The following KCNQ5 variants were observed in gnomAD, a reference collection of about 807,000 sequenced individuals.
KCNQ5 encodes potassium voltage-gated channel subfamily KQT member 5.
KCNQ5 carries 30 observed loss-of-function variants against 98.2 expected under a neutral mutation model. The observed-to-expected ratio is 0.31, with a 90% CI of 0.23 to 0.41. The LOEUF is 0.41. Ranked by LOEUF, KCNQ5 falls within the 10% of genes least tolerant of loss-of-function variation. The pLI is 1.00. For missense variants in KCNQ5, 835 were observed against 1,182.5 expected (o/e 0.71, Z 4.31); for synonymous variants, 458 against 449.4 (o/e 1.02, Z -0.24).
intron 1 of KCNQ5, among the ~76,000 whole-genome samples, chr6:72,791,201 G>A (rs756043589): frequency 1.3e-5 from 2 of 152,194 alleles, no homozygotes; most frequent in Non-Finnish European, 2.9e-5. Flanking sequence ...AAATGCCTGA[G>A]ACAGCAGCTA....
chr6:72,800,054 T>C (rs942440233), intron 1 of KCNQ5, among the ~76,000 whole-genome samples: 1 of 152,200 alleles, frequency 6.6e-6, no homozygotes, highest in Non-Finnish European at 1.5e-5. Flanking sequence ...ATTGTGTACT[T>C]TAAATCTGAC....
At chr6:72,632,738 T>C (rs2098921725) in intron 1 of KCNQ5, among the ~76,000 whole-genome samples, 1 of 152,220 alleles carries the variant, frequency 6.6e-6, no homozygotes, top group African/African-American at 2.4e-5. Context: ...GCTACATCCA[T>C]GTTGCGGCAA....
chr6:72,748,314 C>A (rs1216995828), intron 1 of KCNQ5, among the ~76,000 whole-genome samples: 5 of 152,014 alleles, frequency 3.3e-5, no homozygotes, highest in East Asian at 1.9e-4. Flanking sequence ...TTGTATGTAG[C>A]CTTTCTGTCA....
chr6:72,661,152 G>T (rs923547887), intron 1 of KCNQ5, among the ~76,000 whole-genome samples: 1 of 151,662 alleles, frequency 6.6e-6, no homozygotes, highest in African/African-American at 2.4e-5. Context: ...TAACCCTCTT[G>T]TCGAGAACTG....
chr6:72,640,673 G>C (rs1311700059), intron 1 of KCNQ5: 1 of 152,152 alleles, frequency 6.6e-6, no homozygotes, highest in African/African-American at 2.4e-5. Flanking sequence ...ACACATTTAA[G>C]TAATAGGATT....
chr6:72,798,301 C>A (rs1488191019), intron 1 of KCNQ5, among the ~76,000 whole-genome samples: 1 of 152,142 alleles, frequency 6.6e-6, no homozygotes, highest in Admixed American at 6.6e-5. Flanking sequence ...AGGTATCCTG[C>A]AAAGTTTATG....
intron 1 of KCNQ5, among the ~76,000 whole-genome samples, chr6:72,814,881 A>T (rs940093677): frequency 6.6e-6 from 1 of 152,238 alleles, no homozygotes; most frequent in Non-Finnish European, 1.5e-5. Context: ...AATTTGTCAG[A>T]AGATAATGCT....
intron 5 of KCNQ5, among the ~76,000 whole-genome samples, chr6:73,088,786 C>G (rs1178362361): frequency 6.6e-6 from 1 of 152,180 alleles, no homozygotes; most frequent in Non-Finnish European, 1.5e-5. Flanking sequence ...ATTTATGGTG[C>G]AACCATCTTC....
intron 1 of KCNQ5, among the ~76,000 whole-genome samples, chr6:72,998,506 C>T (rs1026544955): frequency 3.3e-5 from 5 of 152,000 alleles, no homozygotes; most frequent in African/African-American, 1.2e-4. Context: ...GAGGCCGATG[C>T]GGGCGGATTA....
At chr6:73,104,767 T>C (rs999321367) in intron 5 of KCNQ5, among the ~76,000 whole-genome samples, 2 of 152,234 alleles carry the variant, frequency 1.3e-5, no homozygotes, top group African/African-American at 4.8e-5. Context: ...ATTATTCATG[T>C]GTGGCATGTT....
intron 1 of KCNQ5, among the ~76,000 whole-genome samples, chr6:72,821,770 T>C (rs1775762939): frequency 1.3e-5 from 2 of 152,174 alleles, no homozygotes; most frequent in Non-Finnish European, 1.5e-5. Context: ...TCCTCTTCTG[T>C]TGCATTTCTT....
intron 1 of KCNQ5, among the ~76,000 whole-genome samples, chr6:72,965,054 C>G (rs754867177): frequency 2.0e-5 from 3 of 152,078 alleles, no homozygotes; most frequent in Non-Finnish European, 2.9e-5. Flanking sequence ...CTCAAGTGAT[C>G]CTCCCACCTC....
chr6:73,037,731 A>G (rs1218580288), intron 2 of KCNQ5, among the ~76,000 whole-genome samples: 1 of 152,112 alleles, frequency 6.6e-6, no homozygotes, highest in African/African-American at 2.4e-5. Context: ...TGTATGTTCC[A>G]TATGTCTATC....
intron 1 of KCNQ5, among the ~76,000 whole-genome samples, chr6:72,861,877 T>C (rs1377500784): frequency 6.6e-6 from 1 of 151,758 alleles, no homozygotes; most frequent in African/African-American, 2.4e-5. Context: ...TAAAAACTCC[T>C]TTAAACCAAC....
chr6:72,827,005 C>T (rs1463733013), intron 1 of KCNQ5, among the ~76,000 whole-genome samples: 2 of 152,164 alleles, frequency 1.3e-5, no homozygotes. Flanking sequence ...GCTTATTTCA[C>T]ATAACGTAAT....
chr6:73,099,882 A>G (rs1166461198), intron 5 of KCNQ5, among the ~76,000 whole-genome samples: 1 of 152,176 alleles, frequency 6.6e-6, no homozygotes, highest in East Asian at 1.9e-4. Flanking sequence ...AATACTCCAC[A>G]CACTTCTCCT....
At chr6:72,975,599 T>C (rs1310315336) in intron 1 of KCNQ5, among the ~76,000 whole-genome samples, 1 of 152,196 alleles carries the variant, frequency 6.6e-6, no homozygotes, top group East Asian at 1.9e-4. Context: ...GAGTTTATGG[T>C]TATTTCTCTC....
chr6:72,716,257 G>A (rs1769641849), intron 1 of KCNQ5, among the ~76,000 whole-genome samples: 1 of 152,182 alleles, frequency 6.6e-6, no homozygotes, highest in Non-Finnish European at 1.5e-5. Flanking sequence ...TTAAATGGCT[G>A]TTCATGAGAA....
At chr6:72,658,395 C>T (rs1189045445) in intron 1 of KCNQ5, among the ~76,000 whole-genome samples, 1 of 150,326 alleles carries the variant, frequency 6.7e-6, no homozygotes, top group East Asian at 1.9e-4. Flanking sequence ...ATTCTCTTGC[C>T]TCAGCCTCCC....
Sources: allele counts gnomAD v4.1 joint callset (sites outside exome capture counted in the v4.1 genomes callset), GRCh38; gene constraint gnomAD v4.1.1; transcripts MANE v1.5; gene names NCBI Gene and HGNC (gene_info 2026-07-23, HGNC 2026-07-21).